Variants in TBC1D19 observed in about 807,000 individuals in gnomAD.
TBC1D19 encodes TBC1 domain family, member 19.
In TBC1D19, 60 loss-of-function variants were observed where a neutral mutation model predicts 89.0. That is an observed-to-expected ratio of 0.67 (90% CI 0.55 to 0.84). The LOEUF (loss-of-function observed/expected upper bound fraction) is 0.84, where lower values mean the gene tolerates loss of function less well. TBC1D19 is among the 40% of genes least tolerant of loss of function. TBC1D19 has a pLI of 0.00. For synonymous variants in TBC1D19, 189 were observed against 199.7 expected (o/e 0.95, Z 0.45); for missense variants, 500 against 610.8 (o/e 0.82, Z 1.91).
intron 11 of TBC1D19, among the ~76,000 whole-genome samples, chr4:26,681,399 A>G (rs926378681): frequency 6.6e-6 from 1 of 151,960 alleles, no homozygotes; most frequent in African/African-American, 2.4e-5. Flanking sequence ...ACAAAAAAAA[A>G]AATCAGGCGG....
At chr4:26,612,925 A>G (rs1741471690) in intron 1 of TBC1D19, among the ~76,000 whole-genome samples, 1 of 152,042 alleles carries the variant, frequency 6.6e-6, no homozygotes, top group Non-Finnish European at 1.5e-5. Flanking sequence ...CCAAGTTTGT[A>G]TAGTTTTAGT....
At chr4:26,752,136 A>G (rs13123511) in intron 19 of TBC1D19, among the ~76,000 whole-genome samples, 55,242 of 151,954 alleles carry the variant, frequency 0.36, 11,346 homozygotes, top group Non-Finnish European at 0.47. Flanking sequence ...TGGTATGAGA[A>G]TGACTTATTC....
chr4:26,671,880 A>C, intron 9 of TBC1D19, among the ~76,000 whole-genome samples: 1 of 151,924 alleles, frequency 6.6e-6, no homozygotes, highest in Non-Finnish European at 1.5e-5. Flanking sequence ...TTAAACAAAA[A>C]ATTGTTTGGC....
the TBC1D19 span, among the ~76,000 whole-genome samples, chr4:26,848,304 A>C: frequency 6.6e-6 from 1 of 151,982 alleles, no homozygotes; most frequent in Non-Finnish European, 1.5e-5. Context: ...TAAGCCATAC[A>C]ACTGGCTCTC....
chr4:26,778,154 G>A, the TBC1D19 span, among the ~76,000 whole-genome samples: 1 of 151,970 alleles, frequency 6.6e-6, no homozygotes, highest in African/African-American at 2.4e-5. Flanking sequence ...AGTGGCTCAT[G>A]CCTGTAATCC....
chr4:26,629,755 G>C (rs191436090), intron 4 of TBC1D19, among the ~76,000 whole-genome samples: 2 of 151,986 alleles, frequency 1.3e-5, no homozygotes, highest in East Asian at 3.9e-4. Context: ...CATTTTTGAA[G>C]AATTATAATG....
the TBC1D19 span, among the ~76,000 whole-genome samples, chr4:26,804,712 T>G: frequency 2.0e-5 from 3 of 152,274 alleles, no homozygotes; most frequent in Non-Finnish European, 4.4e-5. Context: ...CAGGACTCCC[T>G]AGAGCTGCTC....
At chr4:26,607,293 C>G (rs1432124517) in intron 1 of TBC1D19, among the ~76,000 whole-genome samples, 2 of 152,166 alleles carry the variant, frequency 1.3e-5, no homozygotes, top group Non-Finnish European at 2.9e-5. Flanking sequence ...CTTCTAGCCC[C>G]CCTCACCCAC....
chr4:26,626,030 C>T (rs1459742235), intron 4 of TBC1D19, among the ~76,000 whole-genome samples: 2 of 152,124 alleles, frequency 1.3e-5, no homozygotes, highest in South Asian at 2.1e-4. Flanking sequence ...GGAGGGGTAT[C>T]TACATAAATT....
At chr4:26,846,374 G>A in the TBC1D19 span, among the ~76,000 whole-genome samples, 1 of 152,090 alleles carries the variant, frequency 6.6e-6, no homozygotes. Flanking sequence ...TAGTCAAGTA[G>A]ATCATTTTTC....
chr4:26,622,724 A>T (rs1742140364), intron 4 of TBC1D19, among the ~76,000 whole-genome samples: 1 of 152,202 alleles, frequency 6.6e-6, no homozygotes, highest in Admixed American at 6.5e-5. Flanking sequence ...TTATTGGAAA[A>T]TAGTCACGTT....
chr4:26,806,696 C>A, the TBC1D19 span, among the ~76,000 whole-genome samples: 1 of 152,166 alleles, frequency 6.6e-6, no homozygotes, highest in South Asian at 2.1e-4. Flanking sequence ...TTTGCAGACA[C>A]AATTAGTTAA....
intron 1 of TBC1D19, among the ~76,000 whole-genome samples, chr4:26,592,992 A>G (rs1433675553): frequency 6.6e-6 from 1 of 152,032 alleles, no homozygotes; most frequent in African/African-American, 2.4e-5. Flanking sequence ...AAGCTACTTT[A>G]AAGTTCATAT....
chr4:26,735,899 G>A (rs1301478461), intron 16 of TBC1D19, among the ~76,000 whole-genome samples: 2 of 151,010 alleles, frequency 1.3e-5, no homozygotes, highest in Non-Finnish European at 3.0e-5. Flanking sequence ...GGAAACAATA[G>A]GTGCTGGAGA....
chr4:26,786,737 G>A, the TBC1D19 span, among the ~76,000 whole-genome samples: 1 of 133,376 alleles, frequency 7.5e-6, no homozygotes, highest in Non-Finnish European at 1.6e-5. Context: ...AGGTGGGTGG[G>A]TGGGTGGGTG....
At chr4:26,647,115 A>G (rs1377983369) in intron 7 of TBC1D19, among the ~76,000 whole-genome samples, 1 of 152,172 alleles carries the variant, frequency 6.6e-6, no homozygotes, top group African/African-American at 2.4e-5. Flanking sequence ...GATGGATTTG[A>G]AAGAGATTTT....
chr4:26,603,794 T>C (rs907149545), intron 1 of TBC1D19, among the ~76,000 whole-genome samples: 4 of 152,212 alleles, frequency 2.6e-5, no homozygotes, highest in Non-Finnish European at 4.4e-5. Context: ...AGTGAACAAA[T>C]TTTTGTGGTA....
intron 7 of TBC1D19, among the ~76,000 whole-genome samples, chr4:26,655,561 G>C (rs116650268): frequency 2.0e-5 from 3 of 152,166 alleles, no homozygotes; most frequent in Non-Finnish European, 4.4e-5. Context: ...CTAGTCAAGC[G>C]TTGGCAATGG....
chr4:26,760,534 G>A (rs994828788), downstream of TBC1D19, among the ~76,000 whole-genome samples: 5 of 152,220 alleles, frequency 3.3e-5, no homozygotes, highest in South Asian at 4.1e-4. Context: ...CTGTGATCCC[G>A]CCACTGCATT....
Sources: allele counts gnomAD v4.1 joint callset (sites outside exome capture counted in the v4.1 genomes callset), GRCh38; gene constraint gnomAD v4.1.1; transcripts MANE v1.5; gene names NCBI Gene and HGNC (gene_info 2026-07-23, HGNC 2026-07-21).